GABRA2: variants seen among roughly 807,000 people sequenced by gnomAD.
GABRA2 encodes the protein gamma-aminobutyric acid type A receptor subunit alpha2.
In GABRA2, 16 loss-of-function variants were observed where a neutral mutation model predicts 48.7. The ratio of observed to expected loss-of-function variants is 0.33; its 90% CI spans 0.22 to 0.50. The LOEUF is 0.50. GABRA2 is among the 20% of genes least tolerant of loss of function. GABRA2 has a pLI of 0.98. For synonymous variants in GABRA2, 185 were observed against 184.5 expected, an observed-to-expected ratio of 1.00 and a Z score of -0.02; for missense variants, 275 against 535.6, an observed-to-expected ratio of 0.51 and a Z score of 4.80.
intron 4 of GABRA2, among the ~76,000 whole-genome samples, chr4:46,316,194 G>A (rs990947787): frequency 1.7e-4 from 26 of 151,718 alleles, no homozygotes; most frequent in Admixed American, 4.6e-4. Context: ...ATTTGTCACC[G>A]TCACAAGCAA....
At chr4:46,307,397 G>A (rs546572425) in intron 6 of GABRA2, among the ~76,000 whole-genome samples, 3 of 150,664 alleles carry the variant, frequency 2.0e-5, no homozygotes, top group South Asian at 2.1e-4. Flanking sequence ...ACTTTACGTT[G>A]GAAGGGCCTC....
chr4:46,256,146 T>A, intron 9 of GABRA2: 2 of 505,598 alleles, frequency 4.0e-6, no homozygotes, highest in Non-Finnish European at 7.1e-6. Flanking sequence ...CAGATAATGC[T>A]ATTGTTAACT....
intron 3 of GABRA2, among the ~76,000 whole-genome samples, chr4:46,359,049 C>T (rs1384765628): frequency 6.6e-6 from 1 of 152,138 alleles, no homozygotes; most frequent in African/African-American, 2.4e-5. Context: ...TTTTCATTTT[C>T]AGACATGACA....
intron 8 of GABRA2, among the ~76,000 whole-genome samples, chr4:46,287,666 T>G (rs1362004870): frequency 6.9e-6 from 1 of 145,820 alleles, no homozygotes; most frequent in Non-Finnish European, 1.5e-5. Context: ...CATTGGGAGA[T>G]ATACCTAATG....
intron 6 of GABRA2, among the ~76,000 whole-genome samples, chr4:46,309,119 TTAAA>T (rs1404617812): frequency 1.3e-5 from 2 of 152,060 alleles, no homozygotes; most frequent in Non-Finnish European, 2.9e-5. Context: ...GCCTTTGTAG[TTAAA>T]TAAAGAGAAG....
chr4:46,247,464 A>G lies in GABRA2; in HGVS notation c.*2844T>C, dbSNP rs1713926440. 6.6e-6 allele frequency among the ~76,000 whole-genome samples: 1 copy of G among 151,262 alleles called. No homozygotes were observed. The highest frequency in any genetic ancestry group is 1.5e-5 in the Non-Finnish European group (1 of 67,462). On this transcript the variant is annotated 3_prime_UTR_variant, in exon 10 of 10. Coordinates refer to ENST00000381620, the MANE Select transcript of GABRA2 (RefSeq NM_000807.4). ...CATGAGTGATTTTAACACCAATTAC[A>G]GGGCATGGCACAGGAGGTAAAAAAT...
At chr4:46,362,096 G>A (rs1713296109) in intron 3 of GABRA2, among the ~76,000 whole-genome samples, 1 of 152,102 alleles carries the variant, frequency 6.6e-6, no homozygotes, top group African/African-American at 2.4e-5. Flanking sequence ...TAAGACTTTG[G>A]GGGACTGTTG....
rs1325099297 is a variant in GABRA2, at chr4:46,389,949, G to A, written c.-225C>T. The A allele has an allele frequency of 4.6e-5, 46 of 989,300 alleles. No homozygotes were observed. Among genetic ancestry groups the A allele is most frequent in the Non-Finnish European group, 5.5e-5 (46 of 832,664 alleles). 61.3% of individuals were successfully genotyped at this position (989,300 alleles called of 1,614,324 possible). On this transcript the variant is annotated 5_prime_UTR_variant, in exon 1 of 10. Transcript: ENST00000381620. Reference sequence around the variant, plus strand: ...CTAGGAGCCGCGGCGGCGGCGCGAGGTGTAGAAGGAGGCGAAGGCGTTCGT... The same window carrying A: ...CTAGGAGCCGCGGCGGCGGCGCGAGATGTAGAAGGAGGCGAAGGCGTTCGT...
At chr4:46,353,003 C>T (rs1199301090) in intron 3 of GABRA2, among the ~76,000 whole-genome samples, 1 of 152,100 alleles carries the variant, frequency 6.6e-6, no homozygotes, top group Non-Finnish European at 1.5e-5. Context: ...CTATTGTTTA[C>T]TCAGCACCAA....
intron 8 of GABRA2, among the ~76,000 whole-genome samples, chr4:46,264,167 C>T (rs1276968864): frequency 2.0e-5 from 3 of 151,910 alleles, no homozygotes; most frequent in South Asian, 2.1e-4. Context: ...TTTTTTTCTA[C>T]GTTGATTTTG....
chr4:46,296,482 C>A (rs1055188759), intron 8 of GABRA2, among the ~76,000 whole-genome samples: 53 of 152,138 alleles, frequency 3.5e-4, no homozygotes, highest in African/African-American at 1.3e-3. Flanking sequence ...CAGTCTACTG[C>A]TCCATAGTAG....
At chr4:46,294,985 T>C (rs1457773425) in intron 8 of GABRA2, among the ~76,000 whole-genome samples, 1 of 152,134 alleles carries the variant, frequency 6.6e-6, no homozygotes, top group Non-Finnish European at 1.5e-5. Flanking sequence ...AGGAAGTGAC[T>C]CAAATGCCTA....
intron 8 of GABRA2, among the ~76,000 whole-genome samples, chr4:46,282,119 A>G (rs1167462075): frequency 6.6e-6 from 1 of 152,184 alleles, no homozygotes; most frequent in Non-Finnish European, 1.5e-5. Context: ...TTCATCATCA[A>G]AGAAAATATA....
At chr4:46,252,973 A>G (rs1715090988) in intron 9 of GABRA2, among the ~76,000 whole-genome samples, 1 of 151,444 alleles carries the variant, frequency 6.6e-6, no homozygotes, top group Admixed American at 6.6e-5. Context: ...AGTGCAAATC[A>G]TAACTATTAC....
At chr4:46,312,029 G>T (rs1418041257) in intron 5 of GABRA2, among the ~76,000 whole-genome samples, 1 of 152,204 alleles carries the variant, frequency 6.6e-6, no homozygotes, top group East Asian at 1.9e-4. Flanking sequence ...AACCCAGGAA[G>T]CGGAGGTTGA....
chr4:46,352,304 T>C (rs952163766), intron 3 of GABRA2, among the ~76,000 whole-genome samples: 1 of 151,972 alleles, frequency 6.6e-6, no homozygotes, highest in African/African-American at 2.4e-5. Flanking sequence ...CTGTTTGGAA[T>C]TGGCATGACA....
chr4:46,278,752 A>T (rs1720974968), intron 8 of GABRA2, among the ~76,000 whole-genome samples: 3 of 152,102 alleles, frequency 2.0e-5, no homozygotes. Flanking sequence ...TCACTCACCA[A>T]TTACACTGAA....
At chr4:46,325,710 T>C (rs996906321) in intron 4 of GABRA2, among the ~76,000 whole-genome samples, 1 of 151,998 alleles carries the variant, frequency 6.6e-6, no homozygotes, top group Non-Finnish European at 1.5e-5. Context: ...TAGGTTGGGG[T>C]CTCACATTTA....
intron 8 of GABRA2, among the ~76,000 whole-genome samples, chr4:46,267,226 A>G (rs986418536): frequency 6.6e-6 from 1 of 152,042 alleles, no homozygotes; most frequent in African/African-American, 2.4e-5. Context: ...GGACTGTTTG[A>G]ATCTGCTGGT....
Sources: allele counts gnomAD v4.1 joint callset (sites outside exome capture counted in the v4.1 genomes callset), GRCh38; gene constraint gnomAD v4.1.1; transcripts MANE v1.5; gene names NCBI Gene and HGNC (gene_info 2026-07-23, HGNC 2026-07-21).